The following SH3GL2 variants were observed in gnomAD, a reference collection of about 807,000 sequenced individuals.
SH3GL2 encodes the protein endophilin-A1.
Under a neutral mutation model 46.0 loss-of-function variants are expected in SH3GL2, and 24 were observed. That is an observed-to-expected ratio of 0.52 (90% confidence interval 0.38 to 0.73). SH3GL2 has a LOEUF of 0.73. Ranked by LOEUF, SH3GL2 falls within the 30% of genes least tolerant of loss-of-function variation. The pLI, the probability that SH3GL2 is intolerant of heterozygous loss-of-function variation, is 0.00. For synonymous variants in SH3GL2, 196 were observed against 147.1 expected (o/e 1.33, Z -2.40); for missense variants, 413 against 424.2 (o/e 0.97, Z 0.23).
intron 1 of SH3GL2, among the ~76,000 whole-genome samples, chr9:17,666,151 G>T (rs1187255085): frequency 6.6e-6 from 1 of 151,828 alleles, no homozygotes; most frequent in Non-Finnish European, 1.5e-5. Flanking sequence ...TGTGTCTTAG[G>T]CTGGGGGTAT....
chr9:17,762,420 G>A (rs906525929), intron 3 of SH3GL2, among the ~76,000 whole-genome samples: 7 of 151,036 alleles, frequency 4.6e-5, no homozygotes, highest in Non-Finnish European at 1.0e-4. Context: ...AAAAAAGGGG[G>A]CGGGTGTGGG....
At chr9:17,746,926 T>C (rs1005294123) in intron 1 of SH3GL2, 140 bp from the exon 2 acceptor site, 1 of 614,248 alleles carries the variant, frequency 1.6e-6, no homozygotes, top group African/African-American at 1.9e-5. Context: ...TTTGCTGCTA[T>C]AAAAATGAGA....
intron 1 of SH3GL2, among the ~76,000 whole-genome samples, chr9:17,687,850 A>G (rs1820963151): frequency 6.6e-6 from 1 of 152,106 alleles, no homozygotes; most frequent in Admixed American, 6.6e-5. Context: ...TCTGAGGCAT[A>G]CAATTTAGAA....
At position 17,786,514 on chromosome 9, in the gene SH3GL2, T is replaced by C. The variant is rs1225944155; in HGVS notation, c.321T>C (p.Asp107=). Residue 107 remains aspartate, a synonymous_variant, in exon 4 of 9, where the codon GAT becomes GAC. Transcript: ENST00000380607. ...AATTTGGAAGAGAGCTTGGAGATGA[T>C]TGCAACTTTGGTAACAAGTGCTTCC... The part of the protein sequence containing the change: ...MLKFGRELGD[D]CNFGPALGEV... 2 of 1,613,214 alleles carry C rather than the reference T, an allele frequency of 1.2e-6. No individual in the cohort carries two copies. The highest frequency in any genetic ancestry group is 2.7e-5 in the African/African-American group (2 of 74,866).
chr9:17,701,149 C>T (rs1821334943), intron 1 of SH3GL2, among the ~76,000 whole-genome samples: 1 of 152,160 alleles, frequency 6.6e-6, no homozygotes, highest in African/African-American at 2.4e-5. Flanking sequence ...AGCAGAGAAT[C>T]CTCCCTCTGG....
intron 3 of SH3GL2, among the ~76,000 whole-genome samples, chr9:17,778,532 G>A (rs1180381309): frequency 1.3e-5 from 2 of 152,068 alleles, no homozygotes; most frequent in Admixed American, 6.6e-5. Flanking sequence ...ACCATTGTTG[G>A]GACTTTGATT....
intron 1 of SH3GL2, among the ~76,000 whole-genome samples, chr9:17,582,987 G>A (rs1818305614): frequency 6.6e-6 from 1 of 152,140 alleles, no homozygotes; most frequent in Non-Finnish European, 1.5e-5. Flanking sequence ...TCCTACTCCA[G>A]TATGATTTTA....
intron 3 of SH3GL2, among the ~76,000 whole-genome samples, chr9:17,773,318 A>T (rs1350688763): frequency 6.6e-6 from 1 of 152,094 alleles, no homozygotes; most frequent in Non-Finnish European, 1.5e-5. Flanking sequence ...ACTTTCGTGA[A>T]GTCCAATTGT....
chr9:17,702,169 A>C (rs1198760356), intron 1 of SH3GL2, among the ~76,000 whole-genome samples: 1 of 152,132 alleles, frequency 6.6e-6, no homozygotes, highest in Non-Finnish European at 1.5e-5. Context: ...TTTGGGAAAG[A>C]TGGATAGTCT....
At chr9:17,793,050 A>ATTTTTAAT (rs1824179582) in intron 7 of SH3GL2, among the ~76,000 whole-genome samples, 7 of 152,204 alleles carry the variant, frequency 4.6e-5, no homozygotes, top group African/African-American at 1.7e-4. Flanking sequence ...GTGTACAAGA[A>ATTTTTAAT]CTGTGTTTTA....
chr9:17,583,327 G>GA (rs1818313243), intron 1 of SH3GL2, among the ~76,000 whole-genome samples: 1 of 152,162 alleles, frequency 6.6e-6, no homozygotes, highest in Non-Finnish European at 1.5e-5. Context: ...ACAGTATTAA[G>GA]AAATGGGGCC....
intron 1 of SH3GL2, among the ~76,000 whole-genome samples, chr9:17,620,281 A>G (rs1239122257): frequency 2.0e-5 from 3 of 152,200 alleles, no homozygotes; most frequent in African/African-American, 7.2e-5. Flanking sequence ...TTTATGGAGG[A>G]TCTGCTACGC....
At chr9:17,653,629 G>A (rs776087834) in intron 1 of SH3GL2, among the ~76,000 whole-genome samples, 6 of 152,178 alleles carry the variant, frequency 3.9e-5, no homozygotes, top group African/African-American at 9.7e-5. Context: ...TGCTGCCAAT[G>A]TGATAGTACA....
chr9:17,625,004 A>C (rs2208494), intron 1 of SH3GL2, among the ~76,000 whole-genome samples: 1 of 151,954 alleles, frequency 6.6e-6, no homozygotes, highest in Admixed American at 6.6e-5. Context: ...TTGTTCTTCT[A>C]TTTAATTTGT....
At chr9:17,635,440 T>G (rs1276002338) in intron 1 of SH3GL2, among the ~76,000 whole-genome samples, 1 of 152,210 alleles carries the variant, frequency 6.6e-6, no homozygotes, top group Admixed American at 6.5e-5. Context: ...AAAGAATATT[T>G]GAGCATTTCT....
At chr9:17,681,266 C>T (rs911007813) in intron 1 of SH3GL2, among the ~76,000 whole-genome samples, 14 of 152,118 alleles carry the variant, frequency 9.2e-5, no homozygotes, top group Admixed American at 7.9e-4. Flanking sequence ...ACAAAAGAGT[C>T]TAATCAGTAT....
rs1563855282 is a variant in SH3GL2 at position 17,789,385 on chromosome 9, T to C, written c.466-7T>C. The C allele has an allele frequency of 3.7e-6, 6 of 1,612,408 alleles. No individual in the cohort carries two copies. The highest frequency in any genetic ancestry group is 5.1e-6 in the Non-Finnish European group (6 of 1,178,974). ...TCAAAGCCTATTCCTGCCCTTGACTTTTGCAGCATCATCTAAAGAAGTTGG... is the reference window on the plus strand; with the variant it reads ...TCAAAGCCTATTCCTGCCCTTGACTCTTGCAGCATCATCTAAAGAAGTTGG... On this transcript the variant is annotated splice_region_variant and splice_polypyrimidine_tract_variant and intron_variant, in intron 5 of 8. Coordinates refer to ENST00000380607, the MANE Select transcript of SH3GL2 (RefSeq NM_003026.5).
intron 1 of SH3GL2, among the ~76,000 whole-genome samples, chr9:17,652,192 G>C (rs952669871): frequency 6.6e-6 from 1 of 151,984 alleles, no homozygotes; most frequent in African/African-American, 2.4e-5. Context: ...GGCATTTAAA[G>C]CTCATAATTT....
chr9:17,665,793 T>C (rs1351021214), intron 1 of SH3GL2, among the ~76,000 whole-genome samples: 2 of 151,322 alleles, frequency 1.3e-5, no homozygotes, highest in African/African-American at 2.4e-5. Flanking sequence ...GCTACCAGAA[T>C]GTCATAACTT....
Sources: gnomAD v4.1 joint callset for allele counts (sites outside exome capture counted in the v4.1 genomes callset) on GRCh38, gnomAD v4.1.1 for gene constraint, MANE v1.5 for transcripts, NCBI Gene and HGNC (gene_info 2026-07-23, HGNC 2026-07-21) for gene names.